Variants in ENTREP2 observed in about 807,000 individuals in gnomAD.
The protein encoded by ENTREP2 is protein ENTREP2.
chr15:29,363,638 A>G, the ENTREP2 span, among the ~76,000 whole-genome samples: 1 of 152,252 alleles, frequency 6.6e-6, no homozygotes, highest in Non-Finnish European at 1.5e-5. Flanking sequence ...CACACTTCCA[A>G]TTCCTTGATA....
At chr15:29,660,553 T>C in the ENTREP2 span, among the ~76,000 whole-genome samples, 4 of 152,334 alleles carry the variant, frequency 2.6e-5, no homozygotes, top group South Asian at 8.3e-4. Flanking sequence ...ACCTTTCAGA[T>C]GTGTATCTTT....
the ENTREP2 span, among the ~76,000 whole-genome samples, chr15:29,573,964 A>T: frequency 6.6e-6 from 1 of 152,196 alleles, no homozygotes; most frequent in Non-Finnish European, 1.5e-5. Context: ...AGATAAAAGT[A>T]GTTAAAGTGA....
At chr15:29,619,199 T>C in the ENTREP2 span, among the ~76,000 whole-genome samples, 2 of 152,174 alleles carry the variant, frequency 1.3e-5, no homozygotes, top group Non-Finnish European at 1.5e-5. Flanking sequence ...AAGACCATCC[T>C]GGCTAACACG....
chr15:29,620,223 G>C, the ENTREP2 span, among the ~76,000 whole-genome samples: 1 of 152,098 alleles, frequency 6.6e-6, no homozygotes, highest in Non-Finnish European at 1.5e-5. Flanking sequence ...CCTACCTCTG[G>C]GAAGCACCTG....
At chr15:29,123,615 C>A in the ENTREP2 span, 1 of 1,551,064 alleles carries the variant, frequency 6.4e-7, no homozygotes. Flanking sequence ...CTGGTGAAAG[C>A]TGGGCCCGAC....
chr15:29,271,386 T>G, the ENTREP2 span, among the ~76,000 whole-genome samples: 1 of 152,178 alleles, frequency 6.6e-6, no homozygotes, highest in Non-Finnish European at 1.5e-5. Flanking sequence ...ATTGAGGGAA[T>G]AGAGAGACCG....
chr15:29,590,972 T>A, the ENTREP2 span, among the ~76,000 whole-genome samples: 657 of 152,358 alleles, frequency 4.3e-3, 3 homozygotes, highest in African/African-American at 0.015. Context: ...CTATTAATAC[T>A]TTCTGCATTC....
chr15:29,564,102 A>G, the ENTREP2 span, among the ~76,000 whole-genome samples: 1 of 152,154 alleles, frequency 6.6e-6, no homozygotes, highest in Non-Finnish European at 1.5e-5. Context: ...GAAGTTCCCA[A>G]TAGATCAGGA....
At chr15:29,216,649 T>G in the ENTREP2 span, among the ~76,000 whole-genome samples, 1 of 152,168 alleles carries the variant, frequency 6.6e-6, no homozygotes, top group African/African-American at 2.4e-5. Context: ...AGTTCCATGG[T>G]TTGCAAACAT....
At chr15:29,601,269 G>A in the ENTREP2 span, among the ~76,000 whole-genome samples, 1 of 151,984 alleles carries the variant, frequency 6.6e-6, no homozygotes, top group African/African-American at 2.4e-5. Flanking sequence ...ATAAACAATA[G>A]GAAAATGAAA....
the ENTREP2 span, among the ~76,000 whole-genome samples, chr15:29,437,849 C>G: frequency 0.02 from 3,076 of 152,272 alleles, 116 homozygotes; most frequent in African/African-American, 0.071. Flanking sequence ...CCCATCCAGT[C>G]CTAAACATCA....
the ENTREP2 span, among the ~76,000 whole-genome samples, chr15:29,672,179 G>A: frequency 1.3e-5 from 2 of 152,062 alleles, no homozygotes; most frequent in African/African-American, 4.8e-5. Context: ...GTAGAGAGGA[G>A]GTTTTGCCAT....
chr15:29,629,752 C>T, the ENTREP2 span, among the ~76,000 whole-genome samples: 5 of 152,018 alleles, frequency 3.3e-5, no homozygotes, highest in African/African-American at 9.7e-5. Context: ...TTCTTTCATT[C>T]TGTATTTCCT....
chr15:29,138,562 CATGTGT>C, the ENTREP2 span, among the ~76,000 whole-genome samples: 3 of 124,098 alleles, frequency 2.4e-5, no homozygotes, highest in African/African-American at 7.0e-5. Context: ...TGTGCATGTG[CATGTGT>C]ATGTGCATGT....
At chr15:29,257,043 ATTATTTATTTATTTAT>A in the ENTREP2 span, among the ~76,000 whole-genome samples, 459 of 141,236 alleles carry the variant, frequency 3.2e-3, 4 homozygotes, top group African/African-American at 1.0e-2. Flanking sequence ...TTATTTTTTT[ATTATTTATTTATTTAT>A]TTATTTATTT....
chr15:29,630,110 T>C, the ENTREP2 span, among the ~76,000 whole-genome samples: 3 of 152,144 alleles, frequency 2.0e-5, no homozygotes, highest in African/African-American at 7.2e-5. Context: ...AATGAGACCC[T>C]GTCTCAAAAA....
chr15:29,381,781 G>A, the ENTREP2 span: 26 of 1,551,280 alleles, frequency 1.7e-5, no homozygotes, highest in Middle Eastern at 1.7e-4. Context: ...TTACCACAAG[G>A]GAGAGAGGCC....
chr15:29,627,185 T>C, the ENTREP2 span, among the ~76,000 whole-genome samples: 2 of 152,222 alleles, frequency 1.3e-5, no homozygotes, highest in African/African-American at 4.8e-5. Flanking sequence ...ATGGGCACTT[T>C]TATTTTTCTA....
the ENTREP2 span, chr15:29,375,692 T>C: frequency 1.3e-5 from 2 of 152,208 alleles, no homozygotes; most frequent in Non-Finnish European, 2.9e-5. Flanking sequence ...GGAATTTCTG[T>C]GCTGCCATCT....
Sources: gnomAD v4.1 joint callset for allele counts (sites outside exome capture counted in the v4.1 genomes callset) on GRCh38, gnomAD v4.1.1 for gene constraint, MANE v1.5 for transcripts, NCBI Gene and HGNC (gene_info 2026-07-23, HGNC 2026-07-21) for gene names.